The following NRG3 variants were observed in gnomAD, a reference collection of about 807,000 sequenced individuals.
NRG3 encodes the protein neuregulin 3, also known as pro-neuregulin-3, membrane-bound isoform.
A neutral mutation model predicts 66.9 loss-of-function variants in NRG3; 31 were observed. The ratio of observed to expected loss-of-function variants is 0.46; its 90% CI spans 0.35 to 0.63. The LOEUF is 0.63. Among genes scored for constraint, NRG3 ranks in the 20% least tolerant of loss-of-function variants. The pLI is 0.00. For missense variants in NRG3, 910 were observed against 878.9 expected (o/e 1.04, Z -0.45); for synonymous variants, 393 against 359.4 (o/e 1.09, Z -1.06).
At chr10:82,982,898 T>C (rs1396456983) in intron 8 of NRG3, among the ~76,000 whole-genome samples, 1 of 152,202 alleles carries the variant, frequency 6.6e-6, no homozygotes, top group Admixed American at 6.5e-5. Flanking sequence ...TGACATCTAA[T>C]AGTCCACTGC....
At chr10:82,488,238 C>T (rs751408801) in intron 2 of NRG3, among the ~76,000 whole-genome samples, 52 of 152,074 alleles carry the variant, frequency 3.4e-4, no homozygotes, top group Non-Finnish European at 1.0e-4. Context: ...CTTATACCTG[C>T]CTGGTATGCT....
chr10:82,745,857 C>T (rs2058619761), intron 3 of NRG3, among the ~76,000 whole-genome samples: 1 of 152,220 alleles, frequency 6.6e-6, no homozygotes, highest in South Asian at 2.1e-4. Context: ...ATATTTTCTA[C>T]TTTTTCTGTG....
At chr10:82,569,892 A>G (rs2045628004) in intron 2 of NRG3, among the ~76,000 whole-genome samples, 1 of 151,570 alleles carries the variant, frequency 6.6e-6, no homozygotes, top group Admixed American at 6.6e-5. Context: ...CATTGCCAAA[A>G]CCACACTCTT....
At chr10:81,901,366 G>T (rs748301609) in intron 1 of NRG3, among the ~76,000 whole-genome samples, 1 of 152,198 alleles carries the variant, frequency 6.6e-6, no homozygotes, top group Non-Finnish European at 1.5e-5. Context: ...TTTTGGTTTT[G>T]TATTACTAAA....
chr10:82,265,009 G>T (rs191067187), intron 1 of NRG3, among the ~76,000 whole-genome samples: 1 of 152,254 alleles, frequency 6.6e-6, no homozygotes, highest in East Asian at 1.9e-4. Flanking sequence ...GTGGTAGAAG[G>T]CTAAGGAAGT....
chr10:82,726,434 G>A (rs796609467), intron 2 of NRG3, among the ~76,000 whole-genome samples: 77 of 152,178 alleles, frequency 5.1e-4, no homozygotes, highest in African/African-American at 1.6e-3. Context: ...TTTCCCGTGC[G>A]GTTCTCATGG....
chr10:82,471,127 A>C (rs1841213101), intron 2 of NRG3, among the ~76,000 whole-genome samples: 1 of 152,154 alleles, frequency 6.6e-6, no homozygotes. Context: ...GCACACAGAC[A>C]CTTCGAAGGG....
At chr10:82,679,168 A>G (rs923642878) in intron 2 of NRG3, among the ~76,000 whole-genome samples, 1 of 152,226 alleles carries the variant, frequency 6.6e-6, no homozygotes, top group Non-Finnish European at 1.5e-5. Flanking sequence ...GTAGATGCTC[A>G]GGAAGTGTTG....
chr10:82,957,164 C>T (rs1198927531), intron 5 of NRG3, among the ~76,000 whole-genome samples: 4 of 151,954 alleles, frequency 2.6e-5, no homozygotes, highest in African/African-American at 9.7e-5. Flanking sequence ...AAGATATGAA[C>T]ATTTTGCGTG....
intron 1 of NRG3, among the ~76,000 whole-genome samples, chr10:82,314,329 A>G (rs1172791783): frequency 6.6e-6 from 1 of 152,122 alleles, no homozygotes; most frequent in African/African-American, 2.4e-5. Context: ...TGACACTTCA[A>G]ACTTTTCATT....
chr10:82,877,358 T>C (rs189361146), intron 4 of NRG3, among the ~76,000 whole-genome samples: 1 of 145,942 alleles, frequency 6.9e-6, no homozygotes, highest in East Asian at 2.0e-4. Flanking sequence ...CACAGTTCAG[T>C]GCATAGGGCA....
intron 1 of NRG3, among the ~76,000 whole-genome samples, chr10:82,020,994 G>A (rs1176690783): frequency 3.3e-5 from 5 of 151,922 alleles, no homozygotes; most frequent in Non-Finnish European, 5.9e-5. Flanking sequence ...AAGAAATTCC[G>A]GTGGAATTTC....
intron 2 of NRG3, among the ~76,000 whole-genome samples, chr10:82,362,044 C>CAAACT (rs1479688354): frequency 1.1e-5 from 1 of 88,308 alleles, no homozygotes; most frequent in Middle Eastern, 0.012. Context: ...ACACAATTAC[C>CAAACT]AAACTATTCG....
intron 1 of NRG3, among the ~76,000 whole-genome samples, chr10:82,246,408 C>T (rs2077245582): frequency 6.6e-6 from 1 of 152,122 alleles, no homozygotes; most frequent in Admixed American, 6.5e-5. Context: ...CCAGGAAGCA[C>T]TCTGATGATG....
chr10:82,041,044 A>T (rs1347522167), intron 1 of NRG3, among the ~76,000 whole-genome samples: 1 of 152,078 alleles, frequency 6.6e-6, no homozygotes, highest in African/African-American at 2.4e-5. Context: ...TGCCATGCAT[A>T]TTTCTGCCAT....
At chr10:82,077,885 C>T (rs898124955) in intron 1 of NRG3, among the ~76,000 whole-genome samples, 4 of 152,088 alleles carry the variant, frequency 2.6e-5, no homozygotes, top group Admixed American at 2.6e-4. Context: ...TGGTATCTAG[C>T]GGCCTCCAGG....
intron 2 of NRG3, among the ~76,000 whole-genome samples, chr10:82,565,547 TG>T (rs1001615969): frequency 1.1e-4 from 16 of 152,210 alleles, no homozygotes; most frequent in African/African-American, 3.9e-4. Flanking sequence ...CAGTCTCCAG[TG>T]GCCCACTTTA....
intron 1 of NRG3, among the ~76,000 whole-genome samples, chr10:82,023,259 T>C (rs1340748365): frequency 1.3e-5 from 2 of 152,190 alleles, no homozygotes; most frequent in Admixed American, 6.6e-5. Context: ...CTAGTTTTTT[T>C]GGTGGAGTCT....
At chr10:82,666,097 G>A in intron 2 of NRG3, among the ~76,000 whole-genome samples, 1 of 152,094 alleles carries the variant, frequency 6.6e-6, no homozygotes, top group East Asian at 1.9e-4. Context: ...CCCGACCTCA[G>A]GTGATCCACC....
Sources: gnomAD v4.1 joint callset for allele counts (sites outside exome capture counted in the v4.1 genomes callset) on GRCh38, gnomAD v4.1.1 for gene constraint, MANE v1.5 for transcripts, NCBI Gene and HGNC (gene_info 2026-07-23, HGNC 2026-07-21) for gene names.